CCSER1: variants seen among roughly 807,000 people sequenced by gnomAD.
The protein encoded by CCSER1 is coiled-coil serine rich protein 1.
In CCSER1, 41 loss-of-function variants were observed where a neutral mutation model predicts 82.0. The ratio of observed to expected loss-of-function variants is 0.50; its 90% CI spans 0.39 to 0.65. The LOEUF (loss-of-function observed/expected upper bound fraction) is 0.65, where lower values mean the gene tolerates loss of function less well. Among genes scored for constraint, CCSER1 ranks in the 30% least tolerant of loss-of-function variants. CCSER1 has a pLI of 0.00. For missense variants in CCSER1, 1,119 were observed against 1,064.2 expected, an observed-to-expected ratio of 1.05 and a Z score of -0.72; for synonymous variants, 414 against 383.9, an observed-to-expected ratio of 1.08 and a Z score of -0.92.
At chr4:90,251,741 T>A (rs1019574907) in intron 1 of CCSER1, among the ~76,000 whole-genome samples, 4 of 151,808 alleles carry the variant, frequency 2.6e-5, no homozygotes, top group African/African-American at 9.7e-5. Flanking sequence ...TACATCTTTT[T>A]AGGAATTTCT....
intron 4 of CCSER1, among the ~76,000 whole-genome samples, chr4:90,450,530 G>T (rs1342710252): frequency 1.3e-5 from 2 of 152,120 alleles, no homozygotes; most frequent in African/African-American, 2.4e-5. Context: ...TTGATTGTTG[G>T]TACTTATCTT....
At chr4:90,948,585 T>C (rs1732538105) in intron 9 of CCSER1, among the ~76,000 whole-genome samples, 2 of 152,010 alleles carry the variant, frequency 1.3e-5, no homozygotes, top group African/African-American at 2.4e-5. Context: ...AATACACAGA[T>C]TATGAGAATA....
At chr4:91,174,759 T>A (rs976234775) in intron 10 of CCSER1, among the ~76,000 whole-genome samples, 49 of 152,114 alleles carry the variant, frequency 3.2e-4, no homozygotes, top group African/African-American at 1.2e-3. Flanking sequence ...AAGTATGTAT[T>A]CATTTCATAT....
rs541179508 is a variant in CCSER1 at position 90,324,659 on chromosome 4, A to C, written c.1509+11612A>C. Among the ~76,000 whole-genome samples, 73 of 150,936 alleles carry C rather than the reference A, an allele frequency of 4.8e-4. 1 individual carries two copies. The South Asian group carries it at 0.013, about 26-fold the overall frequency. ...GATGGTAGTTTCTTTTGCTGTGCAGAAGCTCTTTAGTTTAATTAGATCCCA... is the reference window on the plus strand; with the variant it reads ...GATGGTAGTTTCTTTTGCTGTGCAGCAGCTCTTTAGTTTAATTAGATCCCA... On this transcript the variant is annotated intron_variant, in intron 3 of 10. Coordinates refer to ENST00000509176, the MANE Select transcript of CCSER1 (RefSeq NM_001145065.2).
intron 10 of CCSER1, among the ~76,000 whole-genome samples, chr4:91,434,917 T>G (rs1469281276): frequency 6.6e-6 from 1 of 152,216 alleles, no homozygotes; most frequent in Non-Finnish European, 1.5e-5. Flanking sequence ...TACTTTTTAG[T>G]TTGAAATTTA....
In CCSER1 at chr4:91,337,953, T is replaced by G. The variant is rs562092309; in HGVS notation, c.2217+251959T>G. The stretch of plus-strand genomic sequence containing the variant: ...TGGCAGTGGAAGTGGGGGAAAACAG[T>G]ATTTTCAGTGTTTTGGCCCCAGCCT... On this transcript the variant is annotated intron_variant, in intron 10 of 10. Coordinates refer to ENST00000509176, the MANE Select transcript of CCSER1 (RefSeq NM_001145065.2). Among the ~76,000 whole-genome samples the G allele has an allele frequency of 2.0e-5, 3 of 152,258 alleles. No individual in the cohort carries two copies. The East Asian group carries it at 5.8e-4, about 29-fold the overall frequency.
intron 10 of CCSER1, among the ~76,000 whole-genome samples, chr4:91,490,613 G>T (rs868388341): frequency 3.3e-5 from 5 of 151,668 alleles, no homozygotes; most frequent in African/African-American, 4.8e-5. Flanking sequence ...ATTGGGGTGG[G>T]AGGAAGTAGA....
At chr4:90,704,029 T>C (rs1023612690) in intron 6 of CCSER1, among the ~76,000 whole-genome samples, 1 of 152,084 alleles carries the variant, frequency 6.6e-6, no homozygotes, top group Non-Finnish European at 1.5e-5. Flanking sequence ...ATGTTAGGTG[T>C]TTATTTTGCT....
At chr4:91,479,509 T>C (rs1757774111) in intron 10 of CCSER1, among the ~76,000 whole-genome samples, 1 of 151,360 alleles carries the variant, frequency 6.6e-6, no homozygotes, top group African/African-American at 2.4e-5. Flanking sequence ...AGTCAAATAA[T>C]TACAATAAAA....
At position 90,388,470 on chromosome 4, in the gene CCSER1, C is replaced by T. The variant is rs191731352; in HGVS notation, c.1510-11566C>T. On this transcript the variant is annotated intron_variant, in intron 3 of 10. Coordinates refer to ENST00000509176, the MANE Select transcript of CCSER1 (RefSeq NM_001145065.2). ...TATTACAGGTGCCTGACACTGTGCC[C>T]GGCTAAATTTTGTATTTTTAGTAGA... 1.8e-4 allele frequency among the ~76,000 whole-genome samples: 28 copies of T among 151,622 alleles called. 1 individual carries two copies. The East Asian group carries it at 4.3e-3, about 23-fold the overall frequency.
intron 5 of CCSER1, among the ~76,000 whole-genome samples, chr4:90,484,130 C>T (rs1413779465): frequency 6.6e-6 from 1 of 152,188 alleles, no homozygotes; most frequent in African/African-American, 2.4e-5. Flanking sequence ...ATTTCATCTT[C>T]CATCACTGGT....
intron 10 of CCSER1, among the ~76,000 whole-genome samples, chr4:91,476,696 A>C (rs931019967): frequency 1.3e-5 from 2 of 151,640 alleles, no homozygotes; most frequent in African/African-American, 4.8e-5. Flanking sequence ...TGGCAAAAAA[A>C]CAAAAAAAAC....
At chr4:90,758,572 A>G (rs1380335749) in intron 7 of CCSER1, among the ~76,000 whole-genome samples, 1 of 152,146 alleles carries the variant, frequency 6.6e-6, no homozygotes, top group Admixed American at 6.6e-5. Flanking sequence ...CTCATACTTA[A>G]TTTTATTATT....
chr4:91,250,458 TAC>T (rs983161475), intron 10 of CCSER1, among the ~76,000 whole-genome samples: 2 of 152,106 alleles, frequency 1.3e-5, no homozygotes, highest in African/African-American at 4.8e-5. Flanking sequence ...TGTTTAATTT[TAC>T]AGATATTATA....
chr4:91,069,500 G>C (rs1437517504), intron 9 of CCSER1, among the ~76,000 whole-genome samples: 3 of 152,022 alleles, frequency 2.0e-5, no homozygotes, highest in South Asian at 4.2e-4. Flanking sequence ...TATTAGTTTA[G>C]TATCTACTAA....
chr4:91,510,864 C>A (rs1340674610), intron 10 of CCSER1, among the ~76,000 whole-genome samples: 2 of 152,118 alleles, frequency 1.3e-5, no homozygotes, highest in African/African-American at 4.8e-5. Flanking sequence ...TGCTTTAGAA[C>A]AATTGCTTTT....
intron 5 of CCSER1, among the ~76,000 whole-genome samples, chr4:90,513,931 T>C (rs1456837090): frequency 6.6e-6 from 1 of 151,990 alleles, no homozygotes; most frequent in African/African-American, 2.4e-5. Flanking sequence ...AGAAGCAGCC[T>C]GAAGAAAATC....
At chr4:90,561,569 A>G (rs923176156) in intron 5 of CCSER1, among the ~76,000 whole-genome samples, 3 of 152,194 alleles carry the variant, frequency 2.0e-5, no homozygotes, top group African/African-American at 7.2e-5. Flanking sequence ...TTAAGATCGC[A>G]CAATGTTAAG....
At chr4:91,193,325 C>T (rs1735154667) in intron 10 of CCSER1, among the ~76,000 whole-genome samples, 1 of 152,106 alleles carries the variant, frequency 6.6e-6, no homozygotes, top group Non-Finnish European at 1.5e-5. Flanking sequence ...GAAGTAGGAC[C>T]TATGTTGTAT....
Sources: allele counts gnomAD v4.1 joint callset (sites outside exome capture counted in the v4.1 genomes callset), GRCh38; gene constraint gnomAD v4.1.1; transcripts MANE v1.5; gene names NCBI Gene and HGNC (gene_info 2026-07-23, HGNC 2026-07-21).